The following L1TD1 variants were observed in gnomAD, a reference collection of about 807,000 sequenced individuals.
The protein encoded by L1TD1 is LINE1 type transposase domain containing 1.
L1TD1 carries 26 observed loss-of-function variants against 25.7 expected under a neutral mutation model. The ratio of observed to expected loss-of-function variants is 1.01; its 90% confidence interval spans 0.74 to 1.40. The LOEUF (loss-of-function observed/expected upper bound fraction) is 1.40, where lower values mean the gene tolerates loss of function less well. Ranked by LOEUF, L1TD1 falls within the 40% of genes most tolerant of loss-of-function variation. The pLI, the probability that L1TD1 is intolerant of heterozygous loss-of-function variation, is 0.00. For synonymous variants in L1TD1, 421 were observed against 335.6 expected (o/e 1.25, Z -2.78); for missense variants, 1,130 against 975.0 (o/e 1.16, Z -2.12).
At chr1:62,197,397 T>TCATATATATATATATA (rs1670562305) in intron 2 of L1TD1, among the ~76,000 whole-genome samples, 1 of 80,858 alleles carries the variant, frequency 1.2e-5, no homozygotes, top group African/African-American at 3.9e-5. Flanking sequence ...AAAAAATAAA[T>TCATATATATATATATA]TATATATATA....
At chr1:62,208,324 C>T (rs1357272639) in intron 3 of L1TD1, 1 of 152,420 alleles carries the variant, frequency 6.6e-6, no homozygotes, top group African/African-American at 2.4e-5. Flanking sequence ...ATGTCCCACA[C>T]TAACTTAGTG....
In L1TD1 at chr1:62,210,340, G is replaced by C; in HGVS notation, c.1566G>C (p.Lys522Asn). The change falls in exon 4 of 4, where the codon AAG becomes AAC. Residue 522 changes from lysine to asparagine, a missense_variant. Physicochemically the swap from Lys to Asn is moderately conservative, Grantham distance 94. Coordinates refer to ENST00000498273, the MANE Select transcript of L1TD1 (RefSeq NM_019079.5). ...TGGTTGGGGACTCTGGGAAGAAAAA[G>C]TTGGTGAAACACCAGGTGGTGCACA... ...SYLVGDSGKK[K>N]LVKHQVVHKT... 1 of 1,613,848 alleles carries C rather than the reference G, an allele frequency of 6.2e-7. No homozygotes were observed. Among genetic ancestry groups the C allele is most frequent in the Non-Finnish European group, 8.5e-7 (1 of 1,179,968 alleles).
intron 3 of L1TD1, among the ~76,000 whole-genome samples, chr1:62,209,161 A>G (rs926957363): frequency 3.4e-4 from 52 of 152,292 alleles, no homozygotes; most frequent in African/African-American, 1.2e-3. Flanking sequence ...AGGAAAATTG[A>G]GGCACTAGTA....
intron 2 of L1TD1, among the ~76,000 whole-genome samples, chr1:62,205,407 CTCTCTCTCTCTATATA>C (rs1670720788): frequency 1.1e-4 from 4 of 36,368 alleles, no homozygotes; most frequent in Non-Finnish European, 2.0e-4. Context: ...CTCTCTCTCT[CTCTCTCTCTCTATATA>C]TATATATATA....
At chr1:62,200,093 T>G (rs975052018) in intron 2 of L1TD1, among the ~76,000 whole-genome samples, 1 of 152,210 alleles carries the variant, frequency 6.6e-6, no homozygotes, top group African/African-American at 2.4e-5. Context: ...TGGTATAATT[T>G]TTATATGTAC....
Position 62,210,040 on chromosome 1 carries a change from A to G in L1TD1, c.1266A>G (p.Ser422=). 1 of 1,612,726 alleles carries G rather than the reference A, an allele frequency of 6.2e-7. No homozygotes were observed. The change falls in exon 4 of 4, where the codon TCA becomes TCG. Residue 422 remains serine (S), a synonymous_variant. Coordinates refer to ENST00000498273, the MANE Select transcript of L1TD1 (RefSeq NM_019079.5). ...GLEEEEEEEA[S]GLEEDEASGL... is the part of the protein sequence containing the mutation. ...AGGAGGAAGAAGAAGAAGAGGCTTCAGGGTTGGAGGAGGATGAGGCCTCAG... is the reference window on the plus strand; with the variant it reads ...AGGAGGAAGAAGAAGAAGAGGCTTCGGGGTTGGAGGAGGATGAGGCCTCAG...
At chr1:62,197,511 A>C (rs1670567869) in intron 2 of L1TD1, among the ~76,000 whole-genome samples, 1 of 150,712 alleles carries the variant, frequency 6.6e-6, no homozygotes, top group Non-Finnish European at 1.5e-5. Flanking sequence ...TATCTAAAAA[A>C]GTTTTTTAGA....
rs1180275023 is a variant in L1TD1 at position 62,210,073 on chromosome 1, G to A, written c.1299G>A (p.Glu433=). ...GLEEDEASGL[E]EEEEQTSEQD... ...AGGAGGATGAGGCCTCAGGGCTAGA[G>A]GAGGAAGAGGAACAGACTTCAGAAC... The change falls in exon 4 of 4, where the codon GAG becomes GAA. Residue 433 remains glutamate (E), a synonymous_variant. Coordinates refer to ENST00000498273, the MANE Select transcript of L1TD1 (RefSeq NM_019079.5). 8 of 1,613,920 alleles carry A rather than the reference G, an allele frequency of 5.0e-6. No individual in the cohort carries two copies. The highest frequency in any genetic ancestry group is 2.2e-5 in the East Asian group (1 of 44,894).
intron 2 of L1TD1, among the ~76,000 whole-genome samples, chr1:62,205,443 A>ATATTTTTTTTTTTTTTTTTT (rs1553122597): frequency 1.4e-4 from 9 of 63,620 alleles, no homozygotes; most frequent in Non-Finnish European, 2.2e-4. Context: ...ATATATATAT[A>ATATTTTTTTTTTTTTTTTTT]TTTTTTTTTA....
chr1:62,207,567 GAA>G lies in L1TD1; in HGVS notation c.941_942del (p.Lys314ArgfsTer24), dbSNP rs758840628. 8.4e-6 allele frequency: 13 copies of G among 1,550,780 alleles called. No homozygotes were observed. The East Asian group carries it at 1.2e-4, about 15-fold the overall frequency. Reference sequence around the variant, plus strand: ...AAAAATCTTCTGTGAAAGAATTACTGAAAGATGTACTCCCACAAAAGGAAGAA... The same window carrying G: ...AAAAATCTTCTGTGAAAGAATTACTGAGATGTACTCCCACAAAAGGAAGAA... ...SQKSSVKELL[K>X]DVLPQKEEIN... On this transcript the variant is annotated frameshift_variant, in exon 3 of 4. Coordinates refer to ENST00000498273, the MANE Select transcript of L1TD1 (RefSeq NM_019079.5). LOFTEE classifies it high-confidence loss of function.
At position 62,210,108 on chromosome 1, in the gene L1TD1, C is replaced by T; in HGVS notation, c.1334C>T (p.Thr445Ile). Residue 445 changes from threonine to isoleucine, a missense_variant, in exon 4 of 4, where the codon ACC (threonine) becomes ATC (isoleucine). Physicochemically the swap from Thr to Ile is moderately conservative, Grantham distance 89. Transcript: ENST00000498273. ...EEEQTSEQDSTFQGHTLVDAK... is the reference protein window; with the variant it reads ...EEEQTSEQDSIFQGHTLVDAK... ...GAACAGACTTCAGAACAGGACTCAA[C>T]CTTTCAGGGTCATACTTTGGTAGAT... is the stretch of plus-strand genomic sequence containing the variant. The T allele has an allele frequency of 6.2e-7, 1 of 1,613,904 alleles. No individual in the cohort carries two copies. Among genetic ancestry groups the T allele is most frequent in the Non-Finnish European group, 8.5e-7 (1 of 1,180,002 alleles).
chr1:62,196,395 A>T (rs1670540507), intron 1 of L1TD1, 40 bp from the exon 2 acceptor site: 1 of 152,158 alleles, frequency 6.6e-6, no homozygotes. Context: ...CATTAAATAA[A>T]CCTTAAACTT....
chr1:62,197,397 T>TTTTATATATATATATATATATA (rs1269544269), intron 2 of L1TD1, among the ~76,000 whole-genome samples: 5 of 80,828 alleles, frequency 6.2e-5, no homozygotes, highest in East Asian at 8.4e-4. Flanking sequence ...AAAAAATAAA[T>TTTTATATATATATATATATATA]TATATATATA....
chr1:62,210,706 A>C lies in L1TD1; in HGVS notation c.1932A>C (p.Glu644Asp). 6.4e-7 allele frequency: 1 copy of C among 1,552,046 alleles called. No individual in the cohort carries two copies. Among genetic ancestry groups the C allele is most frequent in the South Asian group, 1.2e-5 (1 of 84,120 alleles). ...AAAGTTCCCATTCAGGTGTCTTGGA[A>C]ATTGAAAATTCAGTAGATGATCTGA... ...NLKSSHSGVL[E>D]IENSVDDLSS... Residue 644 changes from glutamate (E) to aspartate (D), a missense_variant, in exon 4 of 4, where the codon GAA (glutamate) becomes GAC (aspartate). By Grantham distance (45) the Glu-to-Asp change is conservative. Coordinates refer to ENST00000498273, the MANE Select transcript of L1TD1 (RefSeq NM_019079.5).
rs541962027 is a variant in L1TD1 at position 62,207,190 on chromosome 1, C to T, written c.562C>T (p.Arg188Cys). 12 of 1,552,280 alleles carry T rather than the reference C, an allele frequency of 7.7e-6. No homozygotes were observed. Among genetic ancestry groups the T allele is most frequent in the East Asian group, 7.3e-5 (3 of 40,948 alleles). The change falls in exon 3 of 4, where the codon CGC (arginine) becomes TGC (cysteine). Residue 188 changes from arginine to cysteine, a missense_variant. Arg to Cys is a radical substitution (Grantham distance 180, BLOSUM62 -3). Coordinates refer to ENST00000498273, the MANE Select transcript of L1TD1 (RefSeq NM_019079.5). ...CAATATAGATGACAGAGATGGAAATCGCAATGTCCATTTAGAATTTACAGA... is the reference window on the plus strand; with the variant it reads ...CAATATAGATGACAGAGATGGAAATTGCAATGTCCATTTAGAATTTACAGA... ...LCNIDDRDGN[R>C]NVHLEFTERE...
rs908497036 is a variant in L1TD1, at chr1:62,195,204, A to G, written c.-205+283A>G. ...GCGAAGGGCGCGGGGTGCCCCGGGTAAGGCTGGCCCAGGTACGTGAGGCCC... is the reference window on the plus strand; with the variant it reads ...GCGAAGGGCGCGGGGTGCCCCGGGTGAGGCTGGCCCAGGTACGTGAGGCCC... On this transcript the variant is annotated intron_variant, in intron 1 of 3. Coordinates refer to ENST00000498273, the MANE Select transcript of L1TD1 (RefSeq NM_019079.5). Among the ~76,000 whole-genome samples the G allele has an allele frequency of 8.5e-4, 129 of 152,048 alleles. 1 individual carries two copies. The highest frequency in any genetic ancestry group is 8.1e-4 in the Non-Finnish European group (55 of 67,938).
At chr1:62,207,697 T>C (rs1240391178) in intron 3 of L1TD1, 61 bp downstream of exon 3, 1 of 1,431,216 alleles carries the variant, frequency 7.0e-7, no homozygotes, top group Admixed American at 2.9e-5. Context: ...TAGGCATGGT[T>C]ATTTTGAAGG....
At chr1:62,197,931 C>G (rs1417927225) in intron 2 of L1TD1, among the ~76,000 whole-genome samples, 1 of 151,774 alleles carries the variant, frequency 6.6e-6, no homozygotes, top group African/African-American at 2.4e-5. Flanking sequence ...ACTTGAATGC[C>G]CACTGCTGAG....
At chr1:62,202,175 C>G (rs374099837) in intron 2 of L1TD1, among the ~76,000 whole-genome samples, 218 of 152,222 alleles carry the variant, frequency 1.4e-3, no homozygotes, top group African/African-American at 5.1e-3. Context: ...TGGCACATGC[C>G]TGTAATCCCA....
Sources: allele counts gnomAD v4.1 joint callset (sites outside exome capture counted in the v4.1 genomes callset), GRCh38; gene constraint gnomAD v4.1.1; transcripts MANE v1.5; gene names NCBI Gene and HGNC (gene_info 2026-07-23, HGNC 2026-07-21).